The following DLGAP1 variants were observed in gnomAD, a reference collection of about 807,000 sequenced individuals.
The protein encoded by DLGAP1 is DLG associated protein 1, also known as disks large-associated protein 1.
A neutral mutation model predicts 90.8 loss-of-function variants in DLGAP1; 11 were observed. The observed-to-expected ratio is 0.12, with a 90% CI of 0.08 to 0.20. DLGAP1 has a LOEUF of 0.20. Ranked by LOEUF, DLGAP1 falls within the 10% of genes least tolerant of loss-of-function variation. DLGAP1 has a pLI of 1.00. For missense variants in DLGAP1, 1,050 were observed against 1,333.8 expected, an observed-to-expected ratio of 0.79 and a Z score of 3.31; for synonymous variants, 558 against 540.7, an observed-to-expected ratio of 1.03 and a Z score of -0.44.
chr18:4,257,331 A>G (rs1423693695), intron 1 of DLGAP1, among the ~76,000 whole-genome samples: 1 of 152,206 alleles, frequency 6.6e-6, no homozygotes, highest in Non-Finnish European at 1.5e-5. Flanking sequence ...ATAGTTCAGA[A>G]GGGAAAATAG....
intron 2 of DLGAP1, among the ~76,000 whole-genome samples, chr18:4,142,891 C>T (rs957665513): frequency 1.1e-4 from 16 of 152,190 alleles, no homozygotes; most frequent in Non-Finnish European, 1.8e-4. Context: ...TTGGTGGTCT[C>T]GGAGAAGATC....
intron 7 of DLGAP1, among the ~76,000 whole-genome samples, chr18:3,639,901 C>A (rs1057069550): frequency 6.9e-6 from 1 of 145,130 alleles, no homozygotes; most frequent in African/African-American, 2.6e-5. Context: ...ACTACAGGCG[C>A]CCGCCACCAC....
intron 2 of DLGAP1, among the ~76,000 whole-genome samples, chr18:4,032,174 C>T (rs2149131250): frequency 6.6e-6 from 1 of 152,334 alleles, no homozygotes; most frequent in South Asian, 2.1e-4. Flanking sequence ...TTCATACTGA[C>T]ATTTGAAAAG....
At chr18:4,372,748 G>C (rs2081942048) in intron 1 of DLGAP1, among the ~76,000 whole-genome samples, 1 of 152,048 alleles carries the variant, frequency 6.6e-6, no homozygotes, top group Admixed American at 6.6e-5. Context: ...CCAACATGGT[G>C]AAACCCCATC....
chr18:4,247,500 G>A (rs2078677791), intron 1 of DLGAP1, among the ~76,000 whole-genome samples: 1 of 152,154 alleles, frequency 6.6e-6, no homozygotes. Flanking sequence ...CCCAGGCCGG[G>A]TGCAGTGGCT....
In DLGAP1 at chr18:3,496,293, C is replaced by T. The variant is rs2049694520; in HGVS notation, c.*2892G>A. 1 of 151,944 alleles carries T rather than the reference C, an allele frequency of 6.6e-6. No homozygotes were observed. 9.4% of individuals were successfully genotyped at this position (151,944 alleles called of 1,614,324 possible). On this transcript the variant is annotated 3_prime_UTR_variant, in exon 13 of 13. Coordinates refer to ENST00000315677, the MANE Select transcript of DLGAP1 (RefSeq NM_004746.4). ...TTACATTCCAGTTATTTAAAATATG[C>T]ATCTAGACATGTTTTAAAAAAGAAA... is the stretch of plus-strand genomic sequence containing the variant.
chr18:4,267,183 A>AGTGT (rs146992333), intron 1 of DLGAP1, among the ~76,000 whole-genome samples: 3,844 of 147,448 alleles, frequency 0.026, 98 homozygotes, highest in African/African-American at 0.069. Flanking sequence ...CACTGTAATG[A>AGTGT]GTGTGTGTGT....
chr18:3,800,180 T>C, intron 5 of DLGAP1, among the ~76,000 whole-genome samples: 1 of 152,222 alleles, frequency 6.6e-6, no homozygotes, highest in East Asian at 1.9e-4. Context: ...ATCTTGCTTT[T>C]TGCTTCATTT....
intron 3 of DLGAP1, among the ~76,000 whole-genome samples, chr18:3,933,907 C>G (rs2072574992): frequency 6.6e-6 from 1 of 152,080 alleles, no homozygotes; most frequent in South Asian, 2.1e-4. Context: ...CACAGTATCC[C>G]CAGTCTCCTA....
In DLGAP1 at chr18:4,353,671, G is replaced by A. The variant is rs190448658; in HGVS notation, c.-267+101335C>T. Among the ~76,000 whole-genome samples the A allele has an allele frequency of 3.4e-3, 514 of 151,242 alleles. 1 individual carries two copies. Among genetic ancestry groups the A allele is most frequent in the Non-Finnish European group, 5.1e-3 (343 of 67,842 alleles). On this transcript the variant is annotated intron_variant, in intron 1 of 12. Transcript: ENST00000315677. ...GAAACTAGTGTAAGATATTTAAAAT[G>A]TTATATTTAAATATATATGATATAT...
At chr18:3,668,307 C>T (rs2059953617) in intron 7 of DLGAP1, among the ~76,000 whole-genome samples, 1 of 152,134 alleles carries the variant, frequency 6.6e-6, no homozygotes, top group Admixed American at 6.5e-5. Context: ...TTCGTTTCTT[C>T]TTTCCTTCCT....
intron 1 of DLGAP1, among the ~76,000 whole-genome samples, chr18:4,229,214 T>C (rs1408882016): frequency 7.2e-5 from 11 of 152,040 alleles, no homozygotes; most frequent in Non-Finnish European, 1.2e-4. Flanking sequence ...TCTATGTTTA[T>C]AGATTGGAAG....
chr18:4,215,370 T>TA (rs1454397345), intron 1 of DLGAP1, among the ~76,000 whole-genome samples: 2 of 152,142 alleles, frequency 1.3e-5, no homozygotes, highest in Admixed American at 6.6e-5. Context: ...AGACAGGCCT[T>TA]ACACAAATTC....
intron 4 of DLGAP1, among the ~76,000 whole-genome samples, chr18:3,817,308 C>A (rs1176383642): frequency 6.6e-6 from 1 of 152,118 alleles, no homozygotes; most frequent in Non-Finnish European, 1.5e-5. Flanking sequence ...AATTTGGGCT[C>A]ATACTAGAAA....
intron 1 of DLGAP1, among the ~76,000 whole-genome samples, chr18:4,260,553 A>G (rs2145259176): frequency 6.6e-6 from 1 of 152,324 alleles, no homozygotes; most frequent in South Asian, 2.1e-4. Flanking sequence ...CTCCATTTTA[A>G]TTTATTATAA....
intron 3 of DLGAP1, among the ~76,000 whole-genome samples, chr18:3,932,486 C>T (rs2072540889): frequency 1.3e-5 from 2 of 152,198 alleles, no homozygotes; most frequent in Non-Finnish European, 2.9e-5. Flanking sequence ...GCAGAAATAC[C>T]CTTGCGGGGG....
Position 3,967,235 on chromosome 18 carries a change from G to C in DLGAP1, c.-73+37881C>G, listed in dbSNP as rs147614570. Among the ~76,000 whole-genome samples the C allele has an allele frequency of 2.0e-5, 3 of 152,334 alleles. No individual in the cohort carries two copies. The East Asian group carries it at 5.8e-4, about 29-fold the overall frequency. On this transcript the variant is annotated intron_variant, in intron 3 of 12. Coordinates refer to ENST00000315677, the MANE Select transcript of DLGAP1 (RefSeq NM_004746.4). ...TAACTTATCTTTCTTCCTCAAAACA[G>C]TCGCTGGGCTCCAGCCAGGCACTGC... is the stretch of plus-strand genomic sequence containing the variant.
chr18:4,276,649 T>C lies in DLGAP1; in HGVS notation c.-266-125362A>G, dbSNP rs146139364. ...AGACACCAGCTTGAAAAAAAAAAAA[T>C]AAACAAATATATTTTCTCATAGGAG... is the stretch of plus-strand genomic sequence containing the variant. On this transcript the variant is annotated intron_variant, in intron 1 of 12. Transcript: ENST00000315677. 8.3e-3 allele frequency among the ~76,000 whole-genome samples: 1,251 copies of C among 149,874 alleles called. 14 individuals carry two copies. The highest frequency in any genetic ancestry group is 0.028 in the African/African-American group (1,149 of 40,972).
chr18:4,323,407 A>T (rs1176298373), intron 1 of DLGAP1, among the ~76,000 whole-genome samples: 1 of 152,226 alleles, frequency 6.6e-6, no homozygotes, highest in Non-Finnish European at 1.5e-5. Context: ...GAATTAACAC[A>T]TAATCCAACA....
Sources: gnomAD v4.1 joint callset for allele counts (sites outside exome capture counted in the v4.1 genomes callset) on GRCh38, gnomAD v4.1.1 for gene constraint, MANE v1.5 for transcripts, NCBI Gene and HGNC (gene_info 2026-07-23, HGNC 2026-07-21) for gene names.